Variants in ANK1 observed in about 807,000 individuals in gnomAD.
ANK1 encodes the protein ankyrin 1.
A neutral mutation model predicts 210.4 loss-of-function variants in ANK1; 51 were observed. The observed-to-expected ratio is 0.24, with a 90% confidence interval of 0.19 to 0.31. ANK1 has a LOEUF of 0.31. Among genes scored for constraint, ANK1 ranks in the 10% least tolerant of loss-of-function variants. The pLI is 1.00. For synonymous variants in ANK1, 967 were observed against 1,025.9 expected, an observed-to-expected ratio of 0.94 and a Z score of 1.10; for missense variants, 2,051 against 2,504.4, an observed-to-expected ratio of 0.82 and a Z score of 3.86.
At position 41,694,142 on chromosome 8, in the gene ANK1, G is replaced by C. The variant is rs138519097; in HGVS notation, c.3328-40C>G. 2 of 1,593,380 alleles carry C rather than the reference G, an allele frequency of 1.3e-6. No homozygotes were observed. Among genetic ancestry groups the C allele is most frequent in the Non-Finnish European group, 1.7e-6 (2 of 1,166,612 alleles). On this transcript the variant is annotated intron_variant, in intron 28 of 42. Coordinates refer to ENST00000289734, the MANE Select transcript of ANK1 (RefSeq NM_000037.4). This position sits in a 1 kb window ranked among gnomAD's most constrained non-coding sequence, Gnocchi z 5.7. Reference sequence around the variant, plus strand: ...AGGCAGGACACTCAGGCCCAAGCAGGAGAGGGGCTAATCAGACGGGAGGCA... The same window carrying C: ...AGGCAGGACACTCAGGCCCAAGCAGCAGAGGGGCTAATCAGACGGGAGGCA...
chr8:41,799,144 G>A (rs535351237), upstream of ANK1, among the ~76,000 whole-genome samples: 1 of 152,320 alleles, frequency 6.6e-6, no homozygotes, highest in South Asian at 2.1e-4. Context: ...GAAGCACTTG[G>A]ACTCAAAACA....
intron 1 of ANK1, among the ~76,000 whole-genome samples, chr8:41,877,915 G>A (rs907521513): frequency 1.3e-5 from 2 of 152,188 alleles, no homozygotes; most frequent in Admixed American, 6.5e-5. Context: ...AGGCGAGTAG[G>A]GCTGTGGCCG....
chr8:41,675,755 T>C lies in ANK1; in HGVS notation c.4538-2843A>G, dbSNP rs1412499386. ...GCTTCTTTGTAATCTCTCCCTGCCC[T>C]TTCCCCCTCTGCCAACCCCAAACCA... On this transcript the variant is annotated intron_variant, in intron 37 of 42. Transcript: ENST00000289734. Among the ~76,000 whole-genome samples the C allele has an allele frequency of 3.9e-5, 6 of 152,190 alleles. No individual in the cohort carries two copies. In the East Asian group the frequency reaches 9.6e-4, roughly 24 times the overall value.
At position 41,696,509 on chromosome 8, in the gene ANK1, G is replaced by A. The variant is rs754659892; in HGVS notation, c.2814C>T (p.Ile938=). ...TGGGCGCTGCGCACGTCCGTGGCGG[G>A]ATCACCACTCGCAGGCCGTTGTGGC... ...GSRHNGLRVV[I]PPRTCAAPTR... is the part of the protein sequence containing the mutation. Residue 938 remains isoleucine, a synonymous_variant, in exon 26 of 43, where the codon ATC becomes ATT. Coordinates refer to ENST00000289734, the MANE Select transcript of ANK1 (RefSeq NM_000037.4). 6 of 1,613,488 alleles carry A rather than the reference G, an allele frequency of 3.7e-6. No individual in the cohort carries two copies. Among genetic ancestry groups the A allele is most frequent in the Non-Finnish European group, 5.1e-6 (6 of 1,180,010 alleles).
chr8:41,714,025 G>C (rs575322439), intron 16 of ANK1, 131 bp downstream of exon 16: 3 of 575,842 alleles, frequency 5.2e-6, no homozygotes, highest in Non-Finnish European at 7.9e-6. Context: ...AGTGAGGCGT[G>C]ATTTCTGAGG....
Position 41,715,750 on chromosome 8 carries a change from C to T in ANK1, c.1504G>A (p.Ala502Thr), listed in dbSNP as rs758845076. ...NNANPNLATT[A>T]GHTPLHIAAR... ...GCAATGTGCAGGGGGGTGTGCCCGG[C>T]GGTGGTGGCCAGGTTGGGGTTGGCG... The change falls in exon 14 of 43, where the codon GCC becomes ACC. Residue 502 changes from alanine to threonine, a missense_variant. This residue lies in a region of ANK1 where 1,413 missense variants were observed against 1,707.4 expected (regional missense o/e 0.83). Coordinates refer to ENST00000289734, the MANE Select transcript of ANK1 (RefSeq NM_000037.4). 1.1e-5 allele frequency: 18 copies of T among 1,613,996 alleles called. No homozygotes were observed. The highest frequency in any genetic ancestry group is 6.7e-5 in the Admixed American group (4 of 60,010).
At chr8:41,753,045 C>T (rs1369934051) in intron 2 of ANK1, among the ~76,000 whole-genome samples, 1 of 150,246 alleles carries the variant, frequency 6.7e-6, no homozygotes, top group Non-Finnish European at 1.5e-5. Flanking sequence ...AGGTCAGTGG[C>T]CACTGCCGCA....
chr8:41,710,049 G>A (rs1397306138), intron 16 of ANK1, among the ~76,000 whole-genome samples: 5 of 152,202 alleles, frequency 3.3e-5, no homozygotes, highest in African/African-American at 1.2e-4. Flanking sequence ...AATCAATGAT[G>A]TCACTGTGCA....
Position 41,696,484 on chromosome 8 carries a change from T to C in ANK1, c.2839A>G (p.Thr947Ala), listed in dbSNP as rs1241740843. Residue 947 changes from threonine to alanine, a missense_variant, in exon 26 of 43, where the codon ACC becomes GCC. Physicochemically the swap from Thr to Ala is moderately conservative, Grantham distance 58. This residue lies in a region of ANK1 where 1,413 missense variants were observed against 1,707.4 expected (regional missense o/e 0.83). Coordinates refer to ENST00000289734, the MANE Select transcript of ANK1 (RefSeq NM_000037.4). ...VIPPRTCAAP[T>A]RITCRLVKPQ... ...TTGACCAGGCGGCAGGTGATGCGGG[T>C]GGGCGCTGCGCACGTCCGTGGCGGG... 2 of 1,613,358 alleles carry C rather than the reference T, an allele frequency of 1.2e-6. No individual in the cohort carries two copies. Among genetic ancestry groups the C allele is most frequent in the South Asian group, 1.1e-5 (1 of 91,068 alleles).
At chr8:41,854,192 G>A (rs181440567) in intron 1 of ANK1, among the ~76,000 whole-genome samples, 3 of 152,314 alleles carry the variant, frequency 2.0e-5, no homozygotes, top group Admixed American at 1.3e-4. Context: ...GCACTCCCAG[G>A]AGAGAGAGAA....
chr8:41,850,085 G>A (rs573928840), intron 1 of ANK1, among the ~76,000 whole-genome samples: 9 of 152,264 alleles, frequency 5.9e-5, no homozygotes, highest in East Asian at 1.9e-4. Flanking sequence ...GCCGGCACCA[G>A]GCTCAGCACG....
chr8:41,818,470 C>T (rs1035814105), intron 1 of ANK1, among the ~76,000 whole-genome samples: 1 of 152,106 alleles, frequency 6.6e-6, no homozygotes, highest in Non-Finnish European at 1.5e-5. Context: ...TTGGATTATA[C>T]CATAGGTATC....
intron 37 of ANK1, 49 bp downstream of exon 37, chr8:41,684,495 G>A (rs1252952860): frequency 6.2e-7 from 1 of 1,610,326 alleles, no homozygotes; most frequent in Non-Finnish European, 8.5e-7. Context: ...GCTGATGCCT[G>A]TAGGGCAGGG....
At chr8:41,789,838 T>C (rs921619197) in intron 1 of ANK1, among the ~76,000 whole-genome samples, 1 of 152,082 alleles carries the variant, frequency 6.6e-6, no homozygotes, top group African/African-American at 2.4e-5. Context: ...TAAGATGAAA[T>C]ATATAAAGAA....
intron 13 of ANK1, 96 bp downstream of exon 13, chr8:41,716,857 A>C: frequency 8.0e-7 from 1 of 1,256,076 alleles, no homozygotes; most frequent in Non-Finnish European, 1.2e-6. Flanking sequence ...CCCAGGCCAC[A>C]GCACTGCAGC....
At chr8:41,836,974 G>A (rs894625564) in intron 1 of ANK1, among the ~76,000 whole-genome samples, 4 of 151,872 alleles carry the variant, frequency 2.6e-5, no homozygotes, top group East Asian at 1.9e-4. Context: ...AAGGCATTGC[G>A]CAGAGCATGG....
intron 23 of ANK1, among the ~76,000 whole-genome samples, chr8:41,698,777 T>G (rs1249276983): frequency 6.6e-6 from 1 of 151,460 alleles, no homozygotes; most frequent in East Asian, 1.9e-4. Flanking sequence ...TGGCAATAGT[T>G]TCTAATGTGA....
At chr8:41,696,179 C>T (rs560784368) in intron 26 of ANK1, among the ~76,000 whole-genome samples, 184 bp downstream of exon 26, 31 of 152,318 alleles carry the variant, frequency 2.0e-4, no homozygotes, top group Admixed American at 3.9e-4. Context: ...CGTGAGCTAT[C>T]GTGCCCGACC....
chr8:41,787,491 G>C (rs1179760122), intron 1 of ANK1, among the ~76,000 whole-genome samples: 1 of 152,142 alleles, frequency 6.6e-6, no homozygotes, highest in Non-Finnish European at 1.5e-5. Flanking sequence ...GGAGAGATAA[G>C]GAACTGGAAA....
Sources: gnomAD v4.1 joint callset for allele counts (sites outside exome capture counted in the v4.1 genomes callset) on GRCh38, gnomAD v4.1.1 for gene constraint, gnomAD v4.1.1 regional missense constraint, Gnocchi (gnomAD v3.1) non-coding constraint, MANE v1.5 for transcripts, NCBI Gene and HGNC (gene_info 2026-07-23, HGNC 2026-07-21) for gene names.